The following GBP7 variants were observed in gnomAD, a reference collection of about 807,000 sequenced individuals.
GBP7 encodes the protein guanylate binding protein 7.
Under a neutral mutation model 61.3 loss-of-function variants are expected in GBP7, and 43 were observed. That is an observed-to-expected ratio of 0.70 (90% CI 0.55 to 0.91). The LOEUF is 0.91. GBP7 is among the 40% of genes least tolerant of loss of function. The pLI, the probability that GBP7 is intolerant of heterozygous loss-of-function variation, is 0.00. For missense variants in GBP7, 717 were observed against 740.5 expected (o/e 0.97, Z 0.37); for synonymous variants, 267 against 271.0 (o/e 0.99, Z 0.14).
chr1:89,150,305 C>T, intron 6 of GBP7, 25 bp downstream of exon 6: 1 of 1,602,418 alleles, frequency 6.2e-7, no homozygotes. Context: ...CCTCAGTAAA[C>T]ACCCATATAG....
At chr1:89,149,629 G>A (rs754698605) in intron 6 of GBP7, 57 bp from the exon 7 acceptor site, 17 of 1,450,890 alleles carry the variant, frequency 1.2e-5, no homozygotes, top group Non-Finnish European at 1.4e-5. Flanking sequence ...ATTGTTTTAC[G>A]AGTGGTATGT....
chr1:89,174,719 T>C (rs1475586297), intron 1 of GBP7, among the ~76,000 whole-genome samples: 1 of 152,240 alleles, frequency 6.6e-6, no homozygotes, highest in Non-Finnish European at 1.5e-5. Flanking sequence ...ACGTTATTCA[T>C]GCAAGCCTGA....
intron 6 of GBP7, among the ~76,000 whole-genome samples, chr1:89,150,125 C>G (rs994642620): frequency 6.6e-6 from 1 of 152,182 alleles, no homozygotes; most frequent in Non-Finnish European, 1.5e-5. Flanking sequence ...CTTGCAGAAA[C>G]TCATGACATG....
Position 89,152,677 on chromosome 1 carries a change from T to C in GBP7, c.419A>G (p.Glu140Gly). The C allele has an allele frequency of 6.2e-7, 1 of 1,612,472 alleles. No individual in the cohort carries two copies. The highest frequency in any genetic ancestry group is 8.5e-7 in the Non-Finnish European group (1 of 1,179,824). Reference protein sequence around the residue: ...SMGTINHQALEQLHYVTELTE... With the variant: ...SMGTINHQALGQLHYVTELTE... Reference sequence around the variant, plus strand: ...CTTCCTGGAAGGATACTGCAGCTGCTCCAGGGCCTGGTGGTTGATGGTGCC... The same window carrying C: ...CTTCCTGGAAGGATACTGCAGCTGCCCCAGGGCCTGGTGGTTGATGGTGCC... Residue 140 changes from glutamate to glycine, a missense_variant, in exon 4 of 11, where the codon GAG becomes GGG. Physicochemically the swap from Glu to Gly is moderately conservative, Grantham distance 98. This residue lies in a region of GBP7 where 387 missense variants were observed against 385.2 expected (regional missense o/e 1.00). Coordinates refer to ENST00000294671, the MANE Select transcript of GBP7 (RefSeq NM_207398.3).
intron 3 of GBP7, among the ~76,000 whole-genome samples, chr1:89,153,349 C>G (rs1682246722): frequency 6.6e-6 from 1 of 152,076 alleles, no homozygotes; most frequent in African/African-American, 2.4e-5. Context: ...TAAAGTCAAG[C>G]TGTATTTTTG....
chr1:89,148,053 AGTAGT>A (rs1393133926), intron 7 of GBP7, among the ~76,000 whole-genome samples: 8 of 152,364 alleles, frequency 5.3e-5, no homozygotes, highest in Middle Eastern at 3.4e-3. Context: ...TTGTGGCAGT[AGTAGT>A]GTCCTTAGAG....
In GBP7 at chr1:89,152,710, T is replaced by C. The variant is rs1293215516; in HGVS notation, c.386A>G (p.Asn129Ser). 1 of 1,613,294 alleles carries C rather than the reference T, an allele frequency of 6.2e-7. No individual in the cohort carries two copies. The highest frequency in any genetic ancestry group is 1.1e-5 in the South Asian group (1 of 91,040). The change falls in exon 4 of 11, where the codon AAC becomes AGC. Residue 129 changes from asparagine (N) to serine (S), a missense_variant. By Grantham distance (46) the Asn-to-Ser change is conservative (BLOSUM62 1). Around this residue, in one of 3 missense-constraint regions of GBP7, gnomAD observed 387 missense variants for 385.2 expected, o/e 1.00. Coordinates refer to ENST00000294671, the MANE Select transcript of GBP7 (RefSeq NM_207398.3). ...CTGGTGGTTGATGGTGCCCATGCTG[T>C]TGTAGACAAAGCTGCTGCTTAGAAG... The part of the protein sequence containing the change: ...AVLLSSSFVY[N>S]SMGTINHQAL...
At chr1:89,140,871 A>C (rs1359886863) in intron 9 of GBP7, among the ~76,000 whole-genome samples, 1 of 152,356 alleles carries the variant, frequency 6.6e-6, no homozygotes, top group East Asian at 1.9e-4. Context: ...CACAGCCATA[A>C]AATGAATGAA....
intron 6 of GBP7, 109 bp downstream of exon 6, chr1:89,150,221 T>G (rs1259143753): frequency 6.2e-5 from 64 of 1,035,160 alleles, no homozygotes; most frequent in Non-Finnish European, 7.5e-5. Flanking sequence ...CCACACCTCA[T>G]AACACAGATG....
At chr1:89,159,264 G>A (rs577568900) in intron 3 of GBP7, among the ~76,000 whole-genome samples, 1 of 152,116 alleles carries the variant, frequency 6.6e-6, no homozygotes, top group Non-Finnish European at 1.5e-5. Flanking sequence ...AACCCTAGAA[G>A]AAAACCTAGG....
In GBP7 at chr1:89,154,980, G is replaced by A. The variant is rs181198581; in HGVS notation, c.319-2203C>T. 3.9e-3 allele frequency among the ~76,000 whole-genome samples: 600 copies of A among 152,108 alleles called. 1 individual carries two copies. The highest frequency in any genetic ancestry group is 6.8e-3 in the Middle Eastern group (2 of 294). ...GGGCCGACTGACACCTCAAACAGCC[G>A]GGTGCCCCTCTGGGACAAAGCTTCC... On this transcript the variant is annotated intron_variant, in intron 3 of 10. Coordinates refer to ENST00000294671, the MANE Select transcript of GBP7 (RefSeq NM_207398.3).
At chr1:89,139,955 G>A (rs1465863852) in intron 9 of GBP7, among the ~76,000 whole-genome samples, 1 of 152,130 alleles carries the variant, frequency 6.6e-6, no homozygotes, top group Non-Finnish European at 1.5e-5. Flanking sequence ...TATACCCAAA[G>A]GATTATAAAT....
At chr1:89,139,418 T>C (rs1183777315) in intron 9 of GBP7, among the ~76,000 whole-genome samples, 1 of 152,170 alleles carries the variant, frequency 6.6e-6, no homozygotes, top group Non-Finnish European at 1.5e-5. Flanking sequence ...CCAAAAGCAA[T>C]GGCAACAAAA....
chr1:89,139,596 C>T (rs1188118739), intron 9 of GBP7, among the ~76,000 whole-genome samples: 2 of 152,014 alleles, frequency 1.3e-5, no homozygotes, highest in Non-Finnish European at 2.9e-5. Context: ...AACAAATTCA[C>T]AAGAAAAAAA....
chr1:89,164,551 A>G (rs1190670481), intron 3 of GBP7, among the ~76,000 whole-genome samples, 180 bp downstream of exon 3: 1 of 152,240 alleles, frequency 6.6e-6, no homozygotes, highest in African/African-American at 2.4e-5. Context: ...ATGTATCACC[A>G]ATAGTCCAAA....
chr1:89,154,406 T>A (rs1682267520), intron 3 of GBP7, among the ~76,000 whole-genome samples: 1 of 152,112 alleles, frequency 6.6e-6, no homozygotes, highest in African/African-American at 2.4e-5. Flanking sequence ...CAGGCTGCAG[T>A]GCAATGGTGC....
In GBP7 at chr1:89,147,553, CCCTTATTCCTCA is replaced by C. The variant is rs1682097084; in HGVS notation, c.1365+2_1365+13del. 6.3e-7 allele frequency: 1 copy of C among 1,599,242 alleles called. No individual in the cohort carries two copies. Among genetic ancestry groups the C allele is most frequent in the South Asian group, 1.1e-5 (1 of 90,748 alleles). ...ATCCTCTGTCATCCATCCCCTTCTC[CCCTTATTCCTCA>C]CCTTAACTCCTTTTCTGGGCACTAG... On this transcript the variant is annotated splice_donor_variant and splice_donor_5th_base_variant and intron_variant, in intron 8 of 10. Coordinates refer to ENST00000294671, the MANE Select transcript of GBP7 (RefSeq NM_207398.3). LOFTEE classifies it high-confidence loss of function.
intron 2 of GBP7, 54 bp downstream of exon 2, chr1:89,171,692 T>C (rs1467974468): frequency 1.3e-6 from 2 of 1,505,466 alleles, no homozygotes; most frequent in African/African-American, 1.4e-5. Context: ...TACTAGATAC[T>C]GACTGTGTAA....
intron 3 of GBP7, among the ~76,000 whole-genome samples, chr1:89,161,699 A>G (rs1647275176): frequency 1.3e-5 from 2 of 152,076 alleles, no homozygotes; most frequent in South Asian, 2.1e-4. Context: ...GAGTTTGCAA[A>G]TATTTTCTCC....
Sources: gnomAD v4.1 joint callset for allele counts (sites outside exome capture counted in the v4.1 genomes callset) on GRCh38, gnomAD v4.1.1 for gene constraint, gnomAD v4.1.1 regional missense constraint, MANE v1.5 for transcripts, NCBI Gene and HGNC (gene_info 2026-07-23, HGNC 2026-07-21) for gene names.